The following ZNF133 variants were observed in gnomAD, a reference collection of about 807,000 sequenced individuals.
The protein encoded by ZNF133 is zinc finger protein 133 (clone pHZ-13).
A neutral mutation model predicts 54.9 loss-of-function variants in ZNF133; 26 were observed. The observed-to-expected ratio is 0.47, with a 90% CI of 0.35 to 0.66. The LOEUF is 0.66. Among genes scored for constraint, ZNF133 ranks in the 30% least tolerant of loss-of-function variants. The pLI, the probability that ZNF133 is intolerant of heterozygous loss-of-function variation, is 0.01. For missense variants in ZNF133, 653 were observed against 820.8 expected, an observed-to-expected ratio of 0.80 and a Z score of 2.50; for synonymous variants, 298 against 320.3, an observed-to-expected ratio of 0.93 and a Z score of 0.74.
chr20:18,316,608 G>T lies in ZNF133; in HGVS notation c.1757G>T (p.Gly586Val). Residue 586 changes from glycine (G) to valine (V), a missense_variant, in exon 7 of 7, where the codon GGC becomes GTC. Coordinates refer to ENST00000425686, the MANE Select transcript of ZNF133 (RefSeq NM_001352452.2). Reference sequence around the variant, plus strand: ...TGTGTGTGCAGAGAGTGTGGCCAAGGCTTTCTCCAAAAGTCACACCTCACC... The same window carrying T: ...TGTGTGTGCAGAGAGTGTGGCCAAGTCTTTCTCCAAAAGTCACACCTCACC... ...KPCVCRECGQ[G>V]FLQKSHLTLH... The T allele has an allele frequency of 6.2e-7, 1 of 1,614,088 alleles. No homozygotes were observed. Among genetic ancestry groups the T allele is most frequent in the Non-Finnish European group, 8.5e-7 (1 of 1,180,016 alleles).
intron 1 of ZNF133, 55 bp from the exon 2 acceptor site, chr20:18,297,930 T>A: frequency 8.3e-7 from 1 of 1,210,114 alleles, no homozygotes; most frequent in Non-Finnish European, 1.2e-6. Context: ...CCTGCTTCAC[T>A]CATGGGGAGA....
intron 3 of ZNF133, among the ~76,000 whole-genome samples, chr20:18,304,668 T>C (rs2044204317): frequency 6.6e-6 from 1 of 152,172 alleles, no homozygotes; most frequent in Non-Finnish European, 1.5e-5. Flanking sequence ...TGTAGCTACA[T>C]AGAATAACCA....
At chr20:18,313,608 A>G (rs1298410486) in intron 6 of ZNF133, 1 of 152,236 alleles carries the variant, frequency 6.6e-6, no homozygotes, top group Non-Finnish European at 1.5e-5. Flanking sequence ...CGTATTCAAG[A>G]GAAACAAAAT....
chr20:18,294,908 C>T (rs943722869), intron 1 of ZNF133, among the ~76,000 whole-genome samples: 1 of 152,158 alleles, frequency 6.6e-6, no homozygotes, highest in Non-Finnish European at 1.5e-5. Flanking sequence ...TTGTAAGTGA[C>T]AATTAGTCTA....
rs1451959120 is a variant in ZNF133 at position 18,315,050 on chromosome 20, C to T, written c.218-19C>T. ...GCCCACTGAGGACTCAGTTGTGACT[C>T]ACACTTTTCTCTCTGCAGCAGATCC... On this transcript the variant is annotated intron_variant, in intron 6 of 6. Transcript: ENST00000425686. 3.3e-6 allele frequency: 5 copies of T among 1,517,856 alleles called. No individual in the cohort carries two copies. The highest frequency in any genetic ancestry group is 1.9e-4 in the Middle Eastern group (1 of 5,360). The allele number at this position is 1,517,856 out of a possible 1,614,324, so 94.0% of individuals were successfully genotyped here. A position where few individuals can be genotyped will look rare whatever the true frequency, so the allele number is the denominator to read the frequency against.
intron 6 of ZNF133, among the ~76,000 whole-genome samples, chr20:18,311,759 T>G (rs1442290119): frequency 6.6e-6 from 1 of 152,230 alleles, no homozygotes; most frequent in Non-Finnish European, 1.5e-5. Flanking sequence ...TAATCAGTCT[T>G]AAGTTAAAAA....
Position 18,305,954 on chromosome 20 carries a change from A to G in ZNF133, c.121+147A>G. ...TTCGTGTTTCCCCAGGGAGGGTCTG[A>G]TTTTGCAGAGTGGAAAATGGGTAGA... On this transcript the variant is annotated intron_variant, in intron 5 of 6. Transcript: ENST00000425686. This position sits in a 1 kb window ranked among gnomAD's most constrained non-coding sequence, Gnocchi z 4.7. 9.1e-7 allele frequency: 1 copy of G among 1,098,952 alleles called. No individual in the cohort carries two copies. Among genetic ancestry groups the G allele is most frequent in the Non-Finnish European group, 1.3e-6 (1 of 781,950 alleles). 68.1% of individuals were successfully genotyped at this position (1,098,952 alleles called of 1,614,324 possible). A position where few individuals can be genotyped will look rare whatever the true frequency, so the allele number is the denominator to read the frequency against.
chr20:18,312,019 G>C (rs568360378), intron 6 of ZNF133, among the ~76,000 whole-genome samples: 16 of 152,156 alleles, frequency 1.1e-4, no homozygotes, highest in Non-Finnish European at 2.2e-4. Context: ...TTGGTTGGTT[G>C]GTTGGTTGGT....
chr20:18,312,047 A>C (rs939646907), intron 6 of ZNF133, among the ~76,000 whole-genome samples: 3 of 152,214 alleles, frequency 2.0e-5, no homozygotes, highest in Non-Finnish European at 4.4e-5. Context: ...TTGGAATATT[A>C]CCATAAACAT....
chr20:18,291,312 C>A (rs1463129128), intron 1 of ZNF133, among the ~76,000 whole-genome samples: 3 of 152,132 alleles, frequency 2.0e-5, no homozygotes, highest in African/African-American at 7.2e-5. Context: ...TCAAGTGACA[C>A]CAAAAAATAT....
At chr20:18,308,935 T>A (rs1448463275) in intron 6 of ZNF133, among the ~76,000 whole-genome samples, 1 of 152,212 alleles carries the variant, frequency 6.6e-6, no homozygotes, top group East Asian at 1.9e-4. Context: ...TACTGTGGAC[T>A]AGCTGGCTTA....
chr20:18,299,418 G>A (rs1352360386), intron 3 of ZNF133, among the ~76,000 whole-genome samples: 1 of 152,136 alleles, frequency 6.6e-6, no homozygotes, highest in Admixed American at 6.6e-5. Flanking sequence ...AAAGATTAAA[G>A]AAAAGTGAAC....
chr20:18,316,123 C>T lies in ZNF133; in HGVS notation c.1272C>T (p.Thr424=). The T allele has an allele frequency of 1.2e-6, 2 of 1,612,434 alleles. No homozygotes were observed. Among genetic ancestry groups the T allele is most frequent in the South Asian group, 2.2e-5 (2 of 90,858 alleles). ...VCGHSFSQNS[T]LISHRRTHTG... ...GGCACAGCTTCAGCCAGAATTCAAC[C>T]CTCATCTCTCACAGGCGGACACACA... is the stretch of plus-strand genomic sequence containing the variant. Residue 424 remains threonine (T), a synonymous_variant, in exon 7 of 7, where the codon ACC becomes ACT. Transcript: ENST00000425686.
At chr20:18,293,529 A>G (rs1016614975) in intron 1 of ZNF133, among the ~76,000 whole-genome samples, 8 of 152,202 alleles carry the variant, frequency 5.3e-5, no homozygotes, top group Non-Finnish European at 8.8e-5. Flanking sequence ...ACTTGTGTCA[A>G]ATTTATTGGT....
intron 3 of ZNF133, among the ~76,000 whole-genome samples, chr20:18,303,134 C>A (rs577824071): frequency 6.6e-5 from 10 of 151,688 alleles, no homozygotes; most frequent in African/African-American, 2.2e-4. Flanking sequence ...GCAACCTCCA[C>A]CCCCCAGGTT....
At chr20:18,306,235 T>C in intron 5 of ZNF133, 63 bp from the exon 6 acceptor site, 21 of 1,507,296 alleles carry the variant, frequency 1.4e-5, no homozygotes, top group Non-Finnish European at 1.9e-5. Flanking sequence ...TGTTTAGCTT[T>C]GAATTCTTGA....
chr20:18,306,537 C>T, intron 6 of ZNF133, 144 bp downstream of exon 6: 1 of 925,218 alleles, frequency 1.1e-6, no homozygotes, highest in East Asian at 2.7e-5. Flanking sequence ...ACACGGCCTC[C>T]CTTCCAGATC....
At chr20:18,310,923 C>A in intron 6 of ZNF133, among the ~76,000 whole-genome samples, 1 of 152,106 alleles carries the variant, frequency 6.6e-6, no homozygotes, top group Admixed American at 6.5e-5. Context: ...ACAGGAGTTA[C>A]CATAATTATG....
intron 3 of ZNF133, among the ~76,000 whole-genome samples, chr20:18,300,791 C>T (rs965370619): frequency 1.3e-5 from 2 of 152,030 alleles, no homozygotes; most frequent in African/African-American, 4.8e-5. Context: ...TACCTCATAA[C>T]AGACCCTTTA....
Sources: allele counts gnomAD v4.1 joint callset (sites outside exome capture counted in the v4.1 genomes callset), GRCh38; gene constraint gnomAD v4.1.1; non-coding constraint Gnocchi (gnomAD v3.1); transcripts MANE v1.5; gene names NCBI Gene and HGNC (gene_info 2026-07-23, HGNC 2026-07-21).